The following CYGB variants were observed in gnomAD, a reference collection of about 807,000 sequenced individuals.
CYGB encodes histoglobin.
Under a neutral mutation model 20.7 loss-of-function variants are expected in CYGB, and 13 were observed. The observed-to-expected ratio is 0.63, with a 90% confidence interval of 0.41 to 1.00. CYGB has a LOEUF of 1.00. Ranked by LOEUF, CYGB falls within the 50% of genes least tolerant of loss-of-function variation. The probability of loss-of-function intolerance (pLI) is 0.00; values close to 1 mark genes in which losing one functional copy is unlikely to be tolerated. For synonymous variants in CYGB, 93 were observed against 107.4 expected (o/e 0.87, Z 0.83); for missense variants, 218 against 257.2 (o/e 0.85, Z 1.04).
intron 1 of CYGB, among the ~76,000 whole-genome samples, chr17:76,535,892 C>G (rs1392700142): frequency 6.6e-6 from 1 of 152,224 alleles, no homozygotes; most frequent in African/African-American, 2.4e-5. Flanking sequence ...CTCCAAGGTC[C>G]TGAGGACCCT....
rs764979648 is a variant in CYGB at position 76,531,737 on chromosome 17, G to A, written c.144-46C>T. On this transcript the variant is annotated intron_variant, in intron 1 of 3. Coordinates refer to ENST00000293230, the MANE Select transcript of CYGB (RefSeq NM_134268.5). This position sits in a 1 kb window ranked among gnomAD's most constrained non-coding sequence, Gnocchi z 7.4. ...GGTCGCTGAAGCTGGAGGCTGCCTC[G>A]GGCCCACCCTGAAGCTTCCAGGATA... The A allele has an allele frequency of 1.9e-5, 29 of 1,516,178 alleles. No homozygotes were observed. The African/African-American group carries it at 2.2e-4, about 11-fold the overall frequency. 93.9% of individuals were successfully genotyped at this position (1,516,178 alleles called of 1,614,324 possible). A position where few individuals can be genotyped will look rare whatever the true frequency, so the allele number is the denominator to read the frequency against.
Position 76,528,990 on chromosome 17 carries a change from A to T in CYGB, c.540-379T>A, listed in dbSNP as rs982014811. On this transcript the variant is annotated intron_variant, in intron 3 of 3. Transcript: ENST00000293230. This position sits in a 1 kb window ranked among gnomAD's most constrained non-coding sequence, Gnocchi z 5.8. ...GGCCTGTCTCGTCCCTCCTCGGGCC[A>T]CCCATCTGTATTCTCGTATTCTCGG... 5.0e-6 allele frequency: 5 copies of T among 1,009,004 alleles called. No individual in the cohort carries two copies. The African/African-American group carries it at 8.6e-5, about 17-fold the overall frequency. 62.5% of individuals were successfully genotyped at this position (1,009,004 alleles called of 1,614,324 possible).
intron 1 of CYGB, among the ~76,000 whole-genome samples, chr17:76,547,772 TATA>T (rs926129084): frequency 1.1e-4 from 16 of 143,436 alleles, no homozygotes; most frequent in Admixed American, 7.0e-4. Context: ...TATACAAACA[TATA>T]ATACACACAC....
Position 76,531,214 on chromosome 17 carries a change from C to G in CYGB, c.376-72G>C. On this transcript the variant is annotated intron_variant, in intron 2 of 3. Transcript: ENST00000293230. This position sits in a 1 kb window ranked among gnomAD's most constrained non-coding sequence, Gnocchi z 7.4. ...GTCCTGCAACCCCCAGGCCCCTCCG[C>G]CCCACGTGTGGCCGAGAGGATCATT... is the stretch of plus-strand genomic sequence containing the variant. The G allele has an allele frequency of 6.7e-7, 1 of 1,482,762 alleles. No homozygotes were observed. Among genetic ancestry groups the G allele is most frequent in the Non-Finnish European group, 9.2e-7 (1 of 1,084,204 alleles). The allele number at this position is 1,482,762 out of a possible 1,614,324, so 91.9% of individuals were successfully genotyped here.
upstream of CYGB, among the ~76,000 whole-genome samples, chr17:76,542,259 A>C (rs2075000796): frequency 6.6e-6 from 1 of 152,176 alleles, no homozygotes; most frequent in Admixed American, 6.5e-5. Flanking sequence ...GCCTGGCGTG[A>C]CTTAGCCAGA....
At chr17:76,544,978 AGGGGCTGCTGGCGGCCAGC>A (rs1249263641) in intron 1 of CYGB, 1 of 444,398 alleles carries the variant, frequency 2.3e-6, no homozygotes, top group African/African-American at 2.2e-5. Flanking sequence ...AAAGAGAGGA[AGGGGCTGCTGGCGGCCAGC>A]GGGGCTGTGG....
At position 76,537,685 on chromosome 17, in the gene CYGB, G is replaced by C. The variant is rs2074935922; in HGVS notation, c.-143C>G. ...TAGAGCGCGGAGGGAGGGAGCGTGT[G>C]TCTGTGCGCGCCGGGTGTGTGTGTG... On this transcript the variant is annotated 5_prime_UTR_variant, in exon 1 of 4. Coordinates refer to ENST00000293230, the MANE Select transcript of CYGB (RefSeq NM_134268.5). The C allele has an allele frequency of 1.4e-6, 1 of 732,840 alleles. No individual in the cohort carries two copies. Among genetic ancestry groups the C allele is most frequent in the Non-Finnish European group, 1.7e-6 (1 of 600,602 alleles). 45.4% of individuals were successfully genotyped at this position (732,840 alleles called of 1,614,324 possible). A position where few individuals can be genotyped will look rare whatever the true frequency, so the allele number is the denominator to read the frequency against.
At chr17:76,542,050 T>C (rs758320610), upstream of CYGB, among the ~76,000 whole-genome samples, 18 of 152,084 alleles carry the variant, frequency 1.2e-4, no homozygotes, top group Non-Finnish European at 1.8e-4. Flanking sequence ...AGGACATGTG[T>C]TTTTAATCTT....
chr17:76,528,820 G>A lies in CYGB; in HGVS notation c.540-209C>T, dbSNP rs181909352. 215 of 1,153,932 alleles carry A rather than the reference G, an allele frequency of 1.9e-4. No individual in the cohort carries two copies. In the African/African-American group the frequency reaches 3.0e-3, roughly 16 times the overall value. 71.5% of individuals were successfully genotyped at this position (1,153,932 alleles called of 1,614,324 possible). The stretch of plus-strand genomic sequence containing the variant: ...ATCTCAGGCAAGTCTACTGGCCCAT[G>A]GGAGCTCCGGATCTTTTTCTCTAAA... On this transcript the variant is annotated intron_variant, in intron 3 of 3. Transcript: ENST00000293230. The surrounding 1 kb of genome is among the most constrained non-coding windows in gnomAD (Gnocchi z 5.8).
chr17:76,540,004 CT>C, upstream of CYGB: 1 of 894,744 alleles, frequency 1.1e-6, no homozygotes, highest in Admixed American at 2.2e-5. The surrounding 1 kb of genome is among the most constrained non-coding windows in gnomAD (Gnocchi z 5.0). Context: ...CACTAATCAG[CT>C]TGAGCCTCCT....
At position 76,537,609 on chromosome 17, in the gene CYGB, C is replaced by T; in HGVS notation, c.-67G>A. On this transcript the variant is annotated 5_prime_UTR_variant, in exon 1 of 4. Transcript: ENST00000293230. ...GTGGCGGGGCGCGGGGCGCGGGGCG[C>T]GGGGCGCCGGGAGCCGGGGCCGGCT... 1 of 1,025,492 alleles carries T rather than the reference C, an allele frequency of 9.8e-7. No homozygotes were observed. The highest frequency in any genetic ancestry group is 1.2e-6 in the Non-Finnish European group (1 of 857,188). The allele number at this position is 1,025,492 out of a possible 1,614,324, so 63.5% of individuals were successfully genotyped here.
At chr17:76,542,156 C>T (rs770078649), upstream of CYGB, among the ~76,000 whole-genome samples, 17 of 152,152 alleles carry the variant, frequency 1.1e-4, no homozygotes, top group African/African-American at 2.7e-4. Context: ...TGCTCAGGCC[C>T]GATTCCAGGC....
At chr17:76,540,250 T>TGGGGGGGGGGGGGGGGGTGGGGG, upstream of CYGB, 2 of 463,682 alleles carry the variant, frequency 4.3e-6, no homozygotes, top group South Asian at 2.2e-5. The surrounding 1 kb of genome is among the most constrained non-coding windows in gnomAD (Gnocchi z 5.0). Flanking sequence ...TGGCGGTTGG[T>TGGGGGGGGGGGGGGGGGTGGGGG]CGGGGGGGGG....
upstream of CYGB, chr17:76,540,211 C>T (rs2143140372): frequency 6.3e-7 from 1 of 1,588,076 alleles, no homozygotes; most frequent in Non-Finnish European, 8.5e-7. The surrounding 1 kb of genome is among the most constrained non-coding windows in gnomAD (Gnocchi z 5.0). Context: ...CAACCGAGTC[C>T]AACCGTGAGA....
chr17:76,534,172 CTCTCTT>C (rs1379985244), intron 1 of CYGB, among the ~76,000 whole-genome samples: 444 of 145,490 alleles, frequency 3.1e-3, no homozygotes, highest in Non-Finnish European at 4.7e-3. Flanking sequence ...CTCTCTCTCT[CTCTCTT>C]TCTTTCTTTC....
At position 76,531,183 on chromosome 17, in the gene CYGB, C is replaced by T. The variant is rs767452021; in HGVS notation, c.376-41G>A. 3.1e-6 allele frequency: 5 copies of T among 1,589,702 alleles called. No individual in the cohort carries two copies. The Admixed American group carries it at 5.1e-5, about 16-fold the overall frequency. ...GGAAGGGGGAGTGAACGCCCGGGCG[C>T]CCTGCGTCCTGCAACCCCCAGGCCC... On this transcript the variant is annotated intron_variant, in intron 2 of 3. Coordinates refer to ENST00000293230, the MANE Select transcript of CYGB (RefSeq NM_134268.5). This position sits in a 1 kb window ranked among gnomAD's most constrained non-coding sequence, Gnocchi z 7.4.
chr17:76,537,346 G>A, intron 1 of CYGB, 54 bp downstream of exon 1: 19 of 1,515,040 alleles, frequency 1.3e-5, no homozygotes, highest in Admixed American at 2.1e-5. Context: ...TCCTCTGCCC[G>A]GAGCCGCTGC....
At chr17:76,547,630 AACACACACACATTCAC>A (rs2075064469) in intron 1 of CYGB, among the ~76,000 whole-genome samples, 1 of 106,842 alleles carries the variant, frequency 9.4e-6, no homozygotes, top group Non-Finnish European at 1.8e-5. Context: ...TCCCTATGTG[AACACACACACATTCAC>A]ACACACACAC....
chr17:76,536,281 C>T (rs956389779), intron 1 of CYGB, among the ~76,000 whole-genome samples: 1 of 152,162 alleles, frequency 6.6e-6, no homozygotes, highest in Non-Finnish European at 1.5e-5. Context: ...CTGGGTCGGT[C>T]CCAGGCTTGG....
Sources: allele counts gnomAD v4.1 joint callset (sites outside exome capture counted in the v4.1 genomes callset), GRCh38; gene constraint gnomAD v4.1.1; non-coding constraint Gnocchi (gnomAD v3.1); transcripts MANE v1.5; gene names NCBI Gene and HGNC (gene_info 2026-07-23, HGNC 2026-07-21).